PDZRN4: variants seen among roughly 807,000 people sequenced by gnomAD.
The protein encoded by PDZRN4 is PDZ domain containing ring finger 4, also known as PDZ domain-containing RING finger protein 4.
A neutral mutation model predicts 99.0 loss-of-function variants in PDZRN4; 70 were observed. The observed-to-expected ratio is 0.71, with a 90% CI of 0.58 to 0.86. The LOEUF is 0.86. PDZRN4 is among the 40% of genes least tolerant of loss of function. PDZRN4 has a pLI of 0.00. For synonymous variants in PDZRN4, 551 were observed against 501.6 expected, an observed-to-expected ratio of 1.10 and a Z score of -1.32; for missense variants, 1,474 against 1,331.2, an observed-to-expected ratio of 1.11 and a Z score of -1.67.
intron 5 of PDZRN4, among the ~76,000 whole-genome samples, chr12:41,535,325 C>T (rs555199414): frequency 6.6e-6 from 1 of 152,284 alleles, no homozygotes; most frequent in South Asian, 2.1e-4. Flanking sequence ...TTTCTGGTTA[C>T]AAAGTGTGTT....
chr12:41,443,003 A>G (rs1322136760), intron 3 of PDZRN4, among the ~76,000 whole-genome samples: 1 of 152,132 alleles, frequency 6.6e-6, no homozygotes. Flanking sequence ...AGGATGCACT[A>G]TAGTAATGGC....
intron 3 of PDZRN4, among the ~76,000 whole-genome samples, chr12:41,355,795 C>G (rs1170664920): frequency 1.3e-5 from 2 of 151,878 alleles, no homozygotes; most frequent in African/African-American, 2.4e-5. Context: ...GTTTCATGCA[C>G]AGTTATCCAA....
chr12:41,473,469 A>T (rs1249585323), intron 3 of PDZRN4: 1 of 152,202 alleles, frequency 6.6e-6, no homozygotes, highest in Non-Finnish European at 1.5e-5. Context: ...GTTCAAGGGC[A>T]GGAATAAGCT....
intron 3 of PDZRN4, among the ~76,000 whole-genome samples, chr12:41,334,661 C>G (rs1951761849): frequency 6.6e-6 from 1 of 152,116 alleles, no homozygotes; most frequent in South Asian, 2.1e-4. Context: ...CACAATGGAT[C>G]ATGTCTGCCT....
chr12:41,393,198 A>G (rs1375816287), intron 3 of PDZRN4, among the ~76,000 whole-genome samples: 1 of 152,226 alleles, frequency 6.6e-6, no homozygotes, highest in Non-Finnish European at 1.5e-5. Context: ...TTTTTAAATC[A>G]TGCAGTAGTT....
chr12:41,319,789 CTA>C (rs1951662562), intron 3 of PDZRN4, among the ~76,000 whole-genome samples: 1 of 152,216 alleles, frequency 6.6e-6, no homozygotes, highest in Non-Finnish European at 1.5e-5. Flanking sequence ...AAAACATAAA[CTA>C]TTTATCTCAC....
rs182195400 is a variant in PDZRN4, at chr12:41,253,284, T to C, written c.843+59096T>C. ...AAATGTTTCTCCCAATGTTTTCTTC[T>C]AGTAGTTTCATAGTTTCAGGATTAG... On this transcript the variant is annotated intron_variant, in intron 3 of 9. Coordinates refer to ENST00000402685, the MANE Select transcript of PDZRN4 (RefSeq NM_001164595.2). 3.3e-5 allele frequency among the ~76,000 whole-genome samples: 5 copies of C among 152,310 alleles called. No homozygotes were observed. In the East Asian group the frequency reaches 9.6e-4, roughly 29 times the overall value.
chr12:41,189,146 G>A (rs772288408), intron 1 of PDZRN4, 43 bp downstream of exon 1: 13 of 1,543,664 alleles, frequency 8.4e-6, no homozygotes, highest in Non-Finnish European at 1.1e-5. Context: ...GTCGATTGGG[G>A]TGGGAAAAGG....
chr12:41,418,914 G>A (rs530671326), intron 3 of PDZRN4, among the ~76,000 whole-genome samples: 21 of 152,270 alleles, frequency 1.4e-4, no homozygotes, highest in Middle Eastern at 3.4e-3. Context: ...CTAGTCAAAT[G>A]TGACAAATCT....
intron 3 of PDZRN4, among the ~76,000 whole-genome samples, chr12:41,374,380 G>T (rs1952064861): frequency 1.3e-5 from 2 of 152,124 alleles, no homozygotes; most frequent in Admixed American, 1.3e-4. Flanking sequence ...TAGTGACAGT[G>T]CATGATCTGG....
intron 2 of PDZRN4, 93 bp from the exon 3 acceptor site, chr12:41,193,987 CA>C (rs1950753898): frequency 1.1e-5 from 7 of 654,904 alleles, no homozygotes; most frequent in Non-Finnish European, 1.9e-5. Flanking sequence ...TGCAGGTTTA[CA>C]GAGGATTGGT....
At chr12:41,274,018 C>A (rs1951333329) in intron 3 of PDZRN4, among the ~76,000 whole-genome samples, 1 of 152,014 alleles carries the variant, frequency 6.6e-6, no homozygotes. Context: ...AGGGGTCTTG[C>A]CTTCTTCTAT....
At chr12:41,344,359 T>C (rs900712747) in intron 3 of PDZRN4, among the ~76,000 whole-genome samples, 6 of 152,092 alleles carry the variant, frequency 3.9e-5, no homozygotes, top group Admixed American at 3.9e-4. Flanking sequence ...ACATATCGAA[T>C]GGCATAGTGA....
chr12:41,475,636 C>G (rs1208133796), intron 3 of PDZRN4, among the ~76,000 whole-genome samples: 1 of 152,146 alleles, frequency 6.6e-6, no homozygotes, highest in Non-Finnish European at 1.5e-5. Context: ...CCTGTGTTCT[C>G]CTGGATCTAA....
intron 3 of PDZRN4, among the ~76,000 whole-genome samples, chr12:41,416,067 T>G (rs1227216091): frequency 6.6e-6 from 1 of 152,160 alleles, no homozygotes; most frequent in Non-Finnish European, 1.5e-5. Flanking sequence ...ATATTTCCTC[T>G]GAGATTGACA....
In PDZRN4 at chr12:41,375,572, A is replaced by G. The variant is rs564250150; in HGVS notation, c.844-130884A>G. On this transcript the variant is annotated intron_variant, in intron 3 of 9. Transcript: ENST00000402685. ...GCAATTAAAACCCTGAGAAGTTAACAAACATTCTTTTTAAATATTCTGTTT... is the reference window on the plus strand; with the variant it reads ...GCAATTAAAACCCTGAGAAGTTAACGAACATTCTTTTTAAATATTCTGTTT... Among the ~76,000 whole-genome samples, 3 of 152,300 alleles carry G rather than the reference A, an allele frequency of 2.0e-5. No homozygotes were observed. The South Asian group carries it at 6.2e-4, about 32-fold the overall frequency.
chr12:41,564,681 C>T (rs1364009387), intron 8 of PDZRN4, among the ~76,000 whole-genome samples: 1 of 152,000 alleles, frequency 6.6e-6, no homozygotes, highest in Non-Finnish European at 1.5e-5. Flanking sequence ...CTGCCATAGC[C>T]TGGGGCAGAG....
chr12:41,508,296 C>T (rs975347468), intron 4 of PDZRN4, among the ~76,000 whole-genome samples: 14 of 152,140 alleles, frequency 9.2e-5, no homozygotes, highest in African/African-American at 2.2e-4. Flanking sequence ...CAGACCTTAG[C>T]TTAGAGACAA....
At chr12:41,309,287 C>T (rs1234059517) in intron 3 of PDZRN4, among the ~76,000 whole-genome samples, 2 of 152,112 alleles carry the variant, frequency 1.3e-5, no homozygotes, top group Non-Finnish European at 2.9e-5. Context: ...TTTATTGACT[C>T]ACAGTTCTGG....
Sources: allele counts gnomAD v4.1 joint callset (sites outside exome capture counted in the v4.1 genomes callset), GRCh38; gene constraint gnomAD v4.1.1; transcripts MANE v1.5; gene names NCBI Gene and HGNC (gene_info 2026-07-23, HGNC 2026-07-21).